RBFOX1: variants seen among roughly 807,000 people sequenced by gnomAD.
The protein encoded by RBFOX1 is RNA binding fox-1 homolog 1.
Under a neutral mutation model 57.7 loss-of-function variants are expected in RBFOX1, and 8 were observed. That is an observed-to-expected ratio of 0.14 (90% CI 0.08 to 0.25). The LOEUF (loss-of-function observed/expected upper bound fraction) is 0.25. RBFOX1 is among the 10% of genes least tolerant of loss of function. The pLI is 1.00. For synonymous variants in RBFOX1, 326 were observed against 222.4 expected (o/e 1.47, Z -4.15); for missense variants, 611 against 548.5 (o/e 1.11, Z -1.14).
At chr16:6,923,484 T>A (rs1164603624) in intron 3 of RBFOX1, among the ~76,000 whole-genome samples, 2 of 151,978 alleles carry the variant, frequency 1.3e-5, no homozygotes, top group Admixed American at 1.3e-4. Flanking sequence ...AGTGAGCCAA[T>A]ATCACAACAC....
chr16:6,057,031 C>T (rs1431630676), intron 1 of RBFOX1: 2 of 151,558 alleles, frequency 1.3e-5, no homozygotes, highest in African/African-American at 2.4e-5. Flanking sequence ...TCTTTTTCCC[C>T]GAAGAAAGAG....
chr16:6,424,537 T>G (rs1324731268), intron 2 of RBFOX1, among the ~76,000 whole-genome samples: 1 of 152,160 alleles, frequency 6.6e-6, no homozygotes, highest in Non-Finnish European at 1.5e-5. Flanking sequence ...GCCCTCACTT[T>G]AAAGAATTAT....
chr16:5,874,375 C>T (rs573537312), intron 4 of RBFOX1, among the ~76,000 whole-genome samples: 50 of 152,232 alleles, frequency 3.3e-4, no homozygotes, highest in African/African-American at 1.2e-3. Context: ...TCAGAGGATA[C>T]GATGGTGGGG....
intron 14 of RBFOX1, among the ~76,000 whole-genome samples, chr16:7,682,174 T>C (rs2074935074): frequency 6.6e-6 from 1 of 152,170 alleles, no homozygotes; most frequent in Non-Finnish European, 1.5e-5. Context: ...AGACATCCAA[T>C]TTTGTTTTTC....
intron 3 of RBFOX1, among the ~76,000 whole-genome samples, chr16:5,856,187 C>CTCTCTCTCTA (rs1430331422): frequency 3.2e-5 from 1 of 31,064 alleles, no homozygotes; most frequent in Non-Finnish European, 5.6e-5. Context: ...CTCTCTCTCT[C>CTCTCTCTCTA]TATATATATA....
At chr16:6,932,567 G>C (rs2076736247) in intron 3 of RBFOX1, among the ~76,000 whole-genome samples, 1 of 152,120 alleles carries the variant, frequency 6.6e-6, no homozygotes, top group Non-Finnish European at 1.5e-5. Context: ...AGTTAGTGCT[G>C]GCTGTAGGTC....
chr16:6,972,782 G>A (rs754949357), intron 3 of RBFOX1, among the ~76,000 whole-genome samples: 17 of 152,052 alleles, frequency 1.1e-4, no homozygotes, highest in South Asian at 4.2e-4. Flanking sequence ...ATTTGATGTC[G>A]AGTGGGTAAG....
intron 3 of RBFOX1, among the ~76,000 whole-genome samples, chr16:6,928,147 G>C (rs1422698189): frequency 6.6e-6 from 1 of 152,082 alleles, no homozygotes; most frequent in African/African-American, 2.4e-5. Flanking sequence ...GTGTGATTGG[G>C]GTTTTCAGCA....
intron 3 of RBFOX1, among the ~76,000 whole-genome samples, chr16:6,751,668 G>T (rs910567031): frequency 6.6e-6 from 1 of 152,124 alleles, no homozygotes; most frequent in African/African-American, 2.4e-5. Flanking sequence ...TATTTCTTGA[G>T]TCCGTTGGTT....
In RBFOX1 at chr16:6,253,856, A is replaced by G. The variant is rs149254392; in HGVS notation, c.-126-63139A>G. Among the ~76,000 whole-genome samples the G allele has an allele frequency of 5.9e-5, 9 of 152,206 alleles. No individual in the cohort carries two copies. In the East Asian group the frequency reaches 1.2e-3, roughly 20 times the overall value. ...ACAGTGCATTTAACTCCTTGCTTGC[A>G]TTGGTATTCCTCTTTGGAGCAGCCC... On this transcript the variant is annotated intron_variant, in intron 1 of 15. Transcript: ENST00000550418.
Position 5,946,150 on chromosome 16 carries a change from T to A in RBFOX1, c.351+78815T>A, listed in dbSNP as rs1037760544. Among the ~76,000 whole-genome samples the A allele has an allele frequency of 4.6e-5, 7 of 152,320 alleles. No individual in the cohort carries two copies. The highest frequency in any genetic ancestry group is 2.9e-5 in the Non-Finnish European group (2 of 68,022). On this transcript the variant is annotated intron_variant, in intron 4 of 19. Coordinates refer to the RBFOX1 transcript ENST00000641259. The surrounding 1 kb of genome is among the most constrained non-coding windows in gnomAD (Gnocchi z 4.6). ...TGTTAATAGACCACCACTCCTGTCCTAACATGGCAGGATGTGATGGAAAGT... is the reference window on the plus strand; with the variant it reads ...TGTTAATAGACCACCACTCCTGTCCAAACATGGCAGGATGTGATGGAAAGT...
chr16:6,481,066 A>C lies in RBFOX1; in HGVS notation c.-64+164009A>C, dbSNP rs866566968. ...GACATTAGAAGTAGAGCTGTTTGAT[A>C]ATAGGGTATGCACATTTTCCATTTT... is the stretch of plus-strand genomic sequence containing the variant. On this transcript the variant is annotated intron_variant, in intron 2 of 15. Coordinates refer to ENST00000550418, the MANE Select transcript of RBFOX1 (RefSeq NM_018723.4). Among the ~76,000 whole-genome samples, 4 of 152,222 alleles carry C rather than the reference A, an allele frequency of 2.6e-5. No individual in the cohort carries two copies. In the South Asian group the frequency reaches 6.2e-4, roughly 24 times the overall value.
intron 3 of RBFOX1, among the ~76,000 whole-genome samples, chr16:6,856,971 A>G (rs1318592960): frequency 1.3e-5 from 2 of 152,192 alleles, no homozygotes; most frequent in Non-Finnish European, 2.9e-5. Context: ...AGGGAGGGAC[A>G]AAGAGAAGGA....
rs192951238 is a variant in RBFOX1, at chr16:6,796,920, A to G, written c.-16+142270A>G. Among the ~76,000 whole-genome samples the G allele has an allele frequency of 2.5e-3, 388 of 152,254 alleles. 1 individual carries two copies. The highest frequency in any genetic ancestry group is 8.9e-3 in the African/African-American group (368 of 41,540). On this transcript the variant is annotated intron_variant, in intron 3 of 15. Transcript: ENST00000550418. The stretch of plus-strand genomic sequence containing the variant: ...CCTATGTCTCCACCCCCTTTCTTCC[A>G]CATCTCAAATTGGAAATCATTGAGT...
At chr16:7,140,767 G>A (rs1010563883) in intron 4 of RBFOX1, among the ~76,000 whole-genome samples, 7 of 152,142 alleles carry the variant, frequency 4.6e-5, no homozygotes, top group South Asian at 2.1e-4. Flanking sequence ...TTATGGGGAA[G>A]GTAGCGTTAA....
At chr16:7,551,977 G>A (rs577938335) in intron 5 of RBFOX1, among the ~76,000 whole-genome samples, 1 of 152,152 alleles carries the variant, frequency 6.6e-6, no homozygotes, top group Non-Finnish European at 1.5e-5. Flanking sequence ...CATGTGCAAA[G>A]GCCGTGTGTC....
rs563615578 is a variant in RBFOX1, at chr16:5,437,094, T to C, written c.220-30122T>C. 6.6e-5 allele frequency among the ~76,000 whole-genome samples: 10 copies of C among 152,252 alleles called. No individual in the cohort carries two copies. The East Asian group carries it at 1.9e-3, about 29-fold the overall frequency. ...GTGTAGACTGAACTTTTGGCTATAT[T>C]GCATGATCACATTGTGAACTTTTAT... On this transcript the variant is annotated intron_variant, in intron 1 of 2. Coordinates refer to the RBFOX1 transcript ENST00000585867.
intron 4 of RBFOX1, among the ~76,000 whole-genome samples, chr16:7,412,060 A>G (rs1019643649): frequency 1.3e-5 from 2 of 152,170 alleles, no homozygotes; most frequent in Non-Finnish European, 2.9e-5. Flanking sequence ...CAATCGAAGT[A>G]TAGGCTGTAG....
chr16:7,455,623 C>G (rs1179676350), intron 4 of RBFOX1, among the ~76,000 whole-genome samples: 1 of 150,978 alleles, frequency 6.6e-6, no homozygotes, highest in East Asian at 1.9e-4. Flanking sequence ...GAAATCCCAT[C>G]TCTACTGAAA....
Sources: gnomAD v4.1 joint callset for allele counts (sites outside exome capture counted in the v4.1 genomes callset) on GRCh38, gnomAD v4.1.1 for gene constraint, Gnocchi (gnomAD v3.1) non-coding constraint, MANE v1.5 for transcripts, NCBI Gene and HGNC (gene_info 2026-07-23, HGNC 2026-07-21) for gene names.